The following GPC2 variants were observed in gnomAD, a reference collection of about 807,000 sequenced individuals.
The protein encoded by GPC2 is glypican 2.
Under a neutral mutation model 57.3 loss-of-function variants are expected in GPC2, and 42 were observed. The observed-to-expected ratio is 0.73, with a 90% CI of 0.57 to 0.95. GPC2 has a LOEUF of 0.95. Among genes scored for constraint, GPC2 ranks in the 40% least tolerant of loss-of-function variants. The probability of loss-of-function intolerance (pLI) is 0.00; values close to 1 mark genes in which losing one functional copy is unlikely to be tolerated. For missense variants in GPC2, 745 were observed against 793.6 expected (o/e 0.94, Z 0.74); for synonymous variants, 364 against 343.4 (o/e 1.06, Z -0.66).
rs1562957573 is a variant in GPC2 at position 100,172,685 on chromosome 7, G to GTGTGTGTGTGTGTA, written c.893-469_893-468insTACACACACACACA. Among the ~76,000 whole-genome samples, 61 of 105,042 alleles carry GTGTGTGTGTGTGTA rather than the reference G, an allele frequency of 5.8e-4. 1 individual carries two copies. Among genetic ancestry groups the GTGTGTGTGTGTGTA allele is most frequent in the African/African-American group, 1.7e-3 (60 of 34,394 alleles). The allele number at this position is 105,042 out of a possible 152,430, so 68.9% of individuals were successfully genotyped here. A position where few individuals can be genotyped will look rare whatever the true frequency, so the allele number is the denominator to read the frequency against. On this transcript the variant is annotated intron_variant, in intron 5 of 9. Transcript: ENST00000292377. ...TATATATATATATGTGTGTGTGTGTGTATATATATATACGTGTATATATAT... is the reference window on the plus strand; with the variant it reads ...TATATATATATATGTGTGTGTGTGTGTGTGTGTGTGTGTATATATATATATACGTGTATATATAT...
chr7:100,176,871 T>C (rs898300093), intron 1 of GPC2, among the ~76,000 whole-genome samples, 163 bp downstream of exon 1: 12 of 152,058 alleles, frequency 7.9e-5, no homozygotes, highest in Admixed American at 7.2e-4. Context: ...AGGAGGGTTA[T>C]TGTGATCCCG....
Position 100,175,741 on chromosome 7 carries a change from T to G in GPC2, c.479A>C (p.Asp160Ala). 1 of 1,614,004 alleles carries G rather than the reference T, an allele frequency of 6.2e-7. No individual in the cohort carries two copies. The highest frequency in any genetic ancestry group is 8.5e-7 in the Non-Finnish European group (1 of 1,180,000). ...TGCCCAGAAATCCGCCAGGGTGTCATCCAACCCCTCACCAGATTCCCCATA... is the reference window on the plus strand; with the variant it reads ...TGCCCAGAAATCCGCCAGGGTGTCAGCCAACCCCTCACCAGATTCCCCATA... ...DFYGESGEGL[D>A]DTLADFWAQL... The change falls in exon 3 of 10, where the codon GAT becomes GCT. Residue 160 changes from aspartate to alanine, a missense_variant. By Grantham distance (126) the Asp-to-Ala change is moderately radical. This residue lies in a region of GPC2 where 607 missense variants were observed against 603.9 expected (regional missense o/e 1.01). Transcript: ENST00000292377.
Position 100,171,521 on chromosome 7 carries a change from G to C in GPC2, c.1310+18C>G. ...GCGGTCCCGCCCCCTGCTGCCCCCC[G>C]ACGCCCCCGAGGCTCACCGGCCCCG... On this transcript the variant is annotated intron_variant, in intron 8 of 9. Transcript: ENST00000292377. The surrounding 1 kb of genome is among the most constrained non-coding windows in gnomAD (Gnocchi z 4.8). 2.2e-6 allele frequency: 3 copies of C among 1,361,254 alleles called. No homozygotes were observed. The highest frequency in any genetic ancestry group is 2.8e-6 in the Non-Finnish European group (3 of 1,064,270). 84.3% of individuals were successfully genotyped at this position (1,361,254 alleles called of 1,614,324 possible). A position where few individuals can be genotyped will look rare whatever the true frequency, so the allele number is the denominator to read the frequency against.
At chr7:100,173,598 C>G in intron 5 of GPC2, 4 of 291,078 alleles carry the variant, frequency 1.4e-5, no homozygotes, top group East Asian at 5.8e-5. Context: ...TCTTTTCTTT[C>G]TTTCTTTCTT....
chr7:100,174,943 C>A (rs372997809), intron 3 of GPC2, among the ~76,000 whole-genome samples, 178 bp from the exon 4 acceptor site: 1 of 152,106 alleles, frequency 6.6e-6, no homozygotes, highest in East Asian at 1.9e-4. Flanking sequence ...GAATTATAGT[C>A]TTAAAGAAAA....
rs1372196252 is a variant in GPC2 at position 100,175,653 on chromosome 7, C to T, written c.567G>A (p.Leu189=). 1 of 1,614,074 alleles carries T rather than the reference C, an allele frequency of 6.2e-7. No individual in the cohort carries two copies. Among genetic ancestry groups the T allele is most frequent in the Admixed American group, 1.7e-5 (1 of 60,016 alleles). The change falls in exon 3 of 10, where the codon CTG becomes CTA. Residue 189 remains leucine (L), a synonymous_variant. Transcript: ENST00000292377. The stretch of plus-strand genomic sequence containing the variant: ...ATGAGGCCAAGCGTGAGAGGCAGAG[C>T]AGGTAGTCAGGGGGGAAGCTGTACT... The part of the protein sequence containing the change: ...HPQYSFPPDY[L]LCLSRLASST...
At position 100,172,087 on chromosome 7, in the gene GPC2, C is replaced by T; in HGVS notation, c.1023G>A (p.Gln341=). 6.2e-7 allele frequency: 1 copy of T among 1,614,034 alleles called. No homozygotes were observed. Among genetic ancestry groups the T allele is most frequent in the Non-Finnish European group, 8.5e-7 (1 of 1,180,006 alleles). ...ACCTCCACCCTTCTCTCCCCTGTACCTGGGCGGACACCTTCGCACTGTTTT... is the reference window on the plus strand; with the variant it reads ...ACCTCCACCCTTCTCTCCCCTGTACTTGGGCGGACACCTTCGCACTGTTTT... ...LQENSAKVSA[Q]VFQECGPPDP... is the part of the protein sequence containing the mutation. The change falls in exon 6 of 10, where the codon CAG becomes CAA. Residue 341 remains glutamine (Q), a splice_region_variant and synonymous_variant. Transcript: ENST00000292377.
intron 4 of GPC2, 157 bp from the exon 5 acceptor site, chr7:100,174,154 G>A: frequency 3.4e-6 from 2 of 593,818 alleles, no homozygotes; most frequent in Non-Finnish European, 5.6e-6. Flanking sequence ...ATCTGAGGAG[G>A]GAGGTTCCAG....
Position 100,171,800 on chromosome 7 carries a change from T to G in GPC2, c.1149A>C (p.Ala383=). The G allele has an allele frequency of 6.4e-7, 1 of 1,568,072 alleles. No homozygotes were observed. Among genetic ancestry groups the G allele is most frequent in the East Asian group, 2.3e-5 (1 of 42,906 alleles). The change falls in exon 7 of 10, where the codon GCA becomes GCC. Residue 383 remains alanine, a synonymous_variant. Coordinates refer to ENST00000292377, the MANE Select transcript of GPC2 (RefSeq NM_152742.3). This position sits in a 1 kb window ranked among gnomAD's most constrained non-coding sequence, Gnocchi z 4.8. The part of the protein sequence containing the change: ...VTEEERPTTA[A]GTNLHRLVWE... ...GCACCAGCCGGTGCAGGTTGGTGCC[T>G]GCGGCCGTCGTGGGCCGCTCCTCCT...
intron 5 of GPC2, among the ~76,000 whole-genome samples, chr7:100,172,757 ATGTGTGTATATATATATG>A (rs1799205834): frequency 1.5e-5 from 2 of 134,486 alleles, no homozygotes; most frequent in South Asian, 2.3e-4. Context: ...GTGTATATAT[ATGTGTGTATATATATATG>A]TGTGTGTATA....
At chr7:100,174,395 G>A (rs1799234601) in intron 4 of GPC2, 1 of 545,022 alleles carries the variant, frequency 1.8e-6, no homozygotes, top group South Asian at 2.0e-5. Flanking sequence ...GGGGGGTTGG[G>A]CGGGGGCAGT....
intron 1 of GPC2, among the ~76,000 whole-genome samples, 189 bp downstream of exon 1, chr7:100,176,845 G>A (rs1799298532): frequency 6.6e-6 from 1 of 152,192 alleles, no homozygotes; most frequent in Non-Finnish European, 1.5e-5. Context: ...TGGAGTAAGA[G>A]CGCTATTCTT....
At chr7:100,173,249 C>T (rs1484810007) in intron 5 of GPC2, among the ~76,000 whole-genome samples, 6 of 152,048 alleles carry the variant, frequency 3.9e-5, no homozygotes, top group South Asian at 2.1e-4. Flanking sequence ...GGATTACAAG[C>T]GTGAGCCACC....
Position 100,171,374 on chromosome 7 carries a change from A to T in GPC2, c.1373T>A (p.Val458Glu), listed in dbSNP as rs1266060470. 6.5e-7 allele frequency: 1 copy of T among 1,539,092 alleles called. No individual in the cohort carries two copies. The highest frequency in any genetic ancestry group is 2.0e-5 in the Admixed American group (1 of 50,682). The change falls in exon 9 of 10, where the codon GTG (valine) becomes GAG (glutamate). Residue 458 changes from valine (V) to glutamate (E), a missense_variant. Around this residue, in one of 2 missense-constraint regions of GPC2, gnomAD observed 607 missense variants for 603.9 expected, o/e 1.01. Transcript: ENST00000292377. This position sits in a 1 kb window ranked among gnomAD's most constrained non-coding sequence, Gnocchi z 4.8. Reference sequence around the variant, plus strand: ...CGGGACATCGGGGCCCGAGGCGTCCACCTTGAGCTCGGGGTTGTTGACCTG... The same window carrying T: ...CGGGACATCGGGGCCCGAGGCGTCCTCCTTGAGCTCGGGGTTGTTGACCTG... ...AEQVNNPELK[V>E]DASGPDVPTR...
chr7:100,173,253 A>G (rs1204926119), intron 5 of GPC2, among the ~76,000 whole-genome samples: 1 of 152,000 alleles, frequency 6.6e-6, no homozygotes, highest in Non-Finnish European at 1.5e-5. Context: ...TACAAGCGTG[A>G]GCCACCGTGC....
intron 2 of GPC2, 111 bp downstream of exon 2, chr7:100,176,096 G>GGC: frequency 2.5e-6 from 1 of 395,286 alleles, no homozygotes; most frequent in Non-Finnish European, 4.0e-6. Flanking sequence ...GGCGGGCTGG[G>GGC]AGGGGATGGA....
In GPC2 at chr7:100,171,731, CCCCGG is replaced by C; in HGVS notation, c.1170+43_1170+47del. ...GCTGGAGCGCGACCCCCACAACCAT[CCCCGG>C]CCCCGGGCCCCCCCGCCCCCAACTC... On this transcript the variant is annotated intron_variant, in intron 7 of 9. Transcript: ENST00000292377. This position sits in a 1 kb window ranked among gnomAD's most constrained non-coding sequence, Gnocchi z 4.8. 1.1e-6 allele frequency: 1 copy of C among 907,442 alleles called. No homozygotes were observed. The highest frequency in any genetic ancestry group is 1.7e-6 in the Non-Finnish European group (1 of 593,532). The allele number at this position is 907,442 out of a possible 1,614,324, so 56.2% of individuals were successfully genotyped here. A position where few individuals can be genotyped will look rare whatever the true frequency, so the allele number is the denominator to read the frequency against.
rs769826395 is a variant in GPC2 at position 100,171,743 on chromosome 7, GC to G, written c.1170+35del. 3.7e-5 allele frequency: 54 copies of G among 1,465,596 alleles called. No homozygotes were observed. The highest frequency in any genetic ancestry group is 1.7e-4 in the South Asian group (13 of 77,942). The allele number at this position is 1,465,596 out of a possible 1,614,324, so 90.8% of individuals were successfully genotyped here. A position where few individuals can be genotyped will look rare whatever the true frequency, so the allele number is the denominator to read the frequency against. On this transcript the variant is annotated intron_variant, in intron 7 of 9. Coordinates refer to ENST00000292377, the MANE Select transcript of GPC2 (RefSeq NM_152742.3). The surrounding 1 kb of genome is among the most constrained non-coding windows in gnomAD (Gnocchi z 4.8). ...CCCCCACAACCATCCCCGGCCCCGG[GC>G]CCCCCCGCCCCCAACTCTTGGTCAT...
Position 100,174,730 on chromosome 7 carries a change from C to A in GPC2, c.684G>T (p.Val228=). The change falls in exon 4 of 10, where the codon GTG becomes GTT. Residue 228 remains valine, a synonymous_variant. Coordinates refer to ENST00000292377, the MANE Select transcript of GPC2 (RefSeq NM_152742.3). ...CATTTCTTCCAGTCTCCAGGCCCTG[C>A]ACAAAGGCTCGGGCAGCCACCAGGG... is the stretch of plus-strand genomic sequence containing the variant. ...TRTLVAARAF[V]QGLETGRNVV... 2 of 1,614,130 alleles carry A rather than the reference C, an allele frequency of 1.2e-6. No homozygotes were observed. The highest frequency in any genetic ancestry group is 1.7e-6 in the Non-Finnish European group (2 of 1,180,000).
Sources: allele counts gnomAD v4.1 joint callset (sites outside exome capture counted in the v4.1 genomes callset), GRCh38; gene constraint gnomAD v4.1.1; regional missense constraint gnomAD v4.1.1; non-coding constraint Gnocchi (gnomAD v3.1); transcripts MANE v1.5; gene names NCBI Gene and HGNC (gene_info 2026-07-23, HGNC 2026-07-21).